PTPRO: variants seen among roughly 807,000 people sequenced by gnomAD.
PTPRO encodes receptor-type tyrosine-protein phosphatase O.
A neutral mutation model predicts 145.2 loss-of-function variants in PTPRO; 62 were observed. The observed-to-expected ratio is 0.43, with a 90% confidence interval of 0.35 to 0.53. The LOEUF (loss-of-function observed/expected upper bound fraction) is 0.53. Among genes scored for constraint, PTPRO ranks in the 20% least tolerant of loss-of-function variants. The pLI is 0.01. For missense variants in PTPRO, 1,345 were observed against 1,482.7 expected (o/e 0.91, Z 1.53); for synonymous variants, 565 against 514.7 (o/e 1.10, Z -1.32).
chr12:15,397,168 T>G (rs1939363956), intron 1 of PTPRO, among the ~76,000 whole-genome samples: 1 of 152,222 alleles, frequency 6.6e-6, no homozygotes, highest in African/African-American at 2.4e-5. Flanking sequence ...TACATTTATT[T>G]CTAATTATAT....
chr12:15,587,198 C>A (rs2135665481), intron 24 of PTPRO, 147 bp downstream of exon 24: 2 of 868,072 alleles, frequency 2.3e-6, no homozygotes, highest in Non-Finnish European at 3.6e-6. Flanking sequence ...TGATGTCTCA[C>A]TATATACAAT....
chr12:15,478,962 G>C (rs1248260344), intron 1 of PTPRO, among the ~76,000 whole-genome samples: 1 of 152,010 alleles, frequency 6.6e-6, no homozygotes, highest in Non-Finnish European at 1.5e-5. Context: ...TGAGCCACCA[G>C]GCCCGGCCAT....
At chr12:15,377,882 C>T (rs1343007466) in intron 1 of PTPRO, among the ~76,000 whole-genome samples, 1 of 152,042 alleles carries the variant, frequency 6.6e-6, no homozygotes. Flanking sequence ...AAAAAACACA[C>T]TTCTAAATAA....
intron 1 of PTPRO, among the ~76,000 whole-genome samples, chr12:15,404,849 A>G (rs912407937): frequency 1.3e-5 from 2 of 152,182 alleles, no homozygotes; most frequent in Non-Finnish European, 2.9e-5. Context: ...CAAAAATACC[A>G]TAGACTAAGT....
intron 1 of PTPRO, among the ~76,000 whole-genome samples, chr12:15,412,946 C>T (rs1254218117): frequency 6.6e-6 from 1 of 152,020 alleles, no homozygotes; most frequent in Admixed American, 6.6e-5. Flanking sequence ...GGCATGCACA[C>T]CATGCCCAGC....
At chr12:15,406,978 C>G (rs1475257079) in intron 1 of PTPRO, among the ~76,000 whole-genome samples, 1 of 152,122 alleles carries the variant, frequency 6.6e-6, no homozygotes, top group Non-Finnish European at 1.5e-5. Context: ...AAAATAGGAG[C>G]TAAAACAAAG....
At chr12:15,439,928 C>G in intron 1 of PTPRO, 3 of 673,916 alleles carry the variant, frequency 4.5e-6, no homozygotes, top group Non-Finnish European at 8.1e-6. Flanking sequence ...CTACAATGGC[C>G]ACATCGGTCT....
intron 12 of PTPRO, among the ~76,000 whole-genome samples, chr12:15,534,164 G>T (rs1943021380): frequency 1.3e-5 from 2 of 152,100 alleles, no homozygotes; most frequent in South Asian, 4.1e-4. Context: ...GGTATGTGGT[G>T]ACAGGTCCCT....
At chr12:15,470,244 T>C (rs899520596) in intron 1 of PTPRO, among the ~76,000 whole-genome samples, 2 of 152,176 alleles carry the variant, frequency 1.3e-5, no homozygotes. Flanking sequence ...TGTAGTACAA[T>C]AGAGTCACAA....
chr12:15,539,573 G>A (rs1943136544), intron 12 of PTPRO, among the ~76,000 whole-genome samples: 2 of 151,634 alleles, frequency 1.3e-5, no homozygotes, highest in South Asian at 2.1e-4. Context: ...ACCAGCCTGC[G>A]CAACATGGTG....
intron 14 of PTPRO, among the ~76,000 whole-genome samples, chr12:15,550,792 G>A (rs1239055092): frequency 6.6e-6 from 1 of 152,066 alleles, no homozygotes; most frequent in African/African-American, 2.4e-5. Context: ...GAGTCCTCAG[G>A]CCCATTTTAA....
intron 5 of PTPRO, 52 bp downstream of exon 5, chr12:15,502,115 A>T: frequency 1.3e-6 from 2 of 1,519,636 alleles, no homozygotes; most frequent in Non-Finnish European, 1.8e-6. Flanking sequence ...AGGAAGGGGA[A>T]TTGAAATGTT....
Position 15,410,716 on chromosome 12 carries a change from C to T in PTPRO, c.76-73258C>T, listed in dbSNP as rs1317192078. The T allele has an allele frequency of 5.3e-5, 8 of 152,156 alleles. 1 individual carries two copies. Among genetic ancestry groups the T allele is most frequent in the Non-Finnish European group, 8.8e-5 (6 of 68,030 alleles). The allele number at this position is 152,156 out of a possible 1,614,324, so 9.4% of individuals were successfully genotyped here. On this transcript the variant is annotated intron_variant, in intron 1 of 26. Coordinates refer to ENST00000281171, the MANE Select transcript of PTPRO (RefSeq NM_030667.3). Reference sequence around the variant, plus strand: ...AATGTAAGCATTGTGACAGAGAATGCTTTAGTCAGTCTCAAATCCTAAATT... The same window carrying T: ...AATGTAAGCATTGTGACAGAGAATGTTTTAGTCAGTCTCAAATCCTAAATT...
intron 18 of PTPRO, among the ~76,000 whole-genome samples, chr12:15,567,091 G>T (rs1467673835): frequency 1.3e-5 from 2 of 152,100 alleles, no homozygotes; most frequent in South Asian, 2.1e-4. Context: ...AGAAAAGAAG[G>T]AGAAGCAAGA....
intron 25 of PTPRO, among the ~76,000 whole-genome samples, chr12:15,592,898 T>C (rs1218176766): frequency 6.6e-6 from 1 of 152,254 alleles, no homozygotes; most frequent in Non-Finnish European, 1.5e-5. Flanking sequence ...GGGGCTTTGC[T>C]TTGAGCAGCC....
intron 1 of PTPRO, among the ~76,000 whole-genome samples, chr12:15,333,031 C>A (rs2136202905): frequency 6.6e-6 from 1 of 152,268 alleles, no homozygotes; most frequent in South Asian, 2.1e-4. Context: ...TGCCTATTGC[C>A]ATTTTTTTCT....
At chr12:15,451,832 G>T (rs544466209) in intron 1 of PTPRO, among the ~76,000 whole-genome samples, 10 of 152,254 alleles carry the variant, frequency 6.6e-5, no homozygotes, top group African/African-American at 2.4e-4. Flanking sequence ...AACCTCTGGG[G>T]TACAGCAAAG....
intron 15 of PTPRO, among the ~76,000 whole-genome samples, chr12:15,556,533 GT>G (rs920965138): frequency 1.3e-5 from 2 of 151,714 alleles, no homozygotes; most frequent in Non-Finnish European, 2.9e-5. Context: ...CTTCAACAGT[GT>G]TTTTACTAGC....
chr12:15,444,518 G>A (rs944750604), intron 1 of PTPRO, among the ~76,000 whole-genome samples: 7 of 152,044 alleles, frequency 4.6e-5, no homozygotes, highest in Middle Eastern at 6.8e-3. Context: ...AAGTTTTAAA[G>A]GCAAATCCTC....
Sources: allele counts gnomAD v4.1 joint callset (sites outside exome capture counted in the v4.1 genomes callset), GRCh38; gene constraint gnomAD v4.1.1; transcripts MANE v1.5; gene names NCBI Gene and HGNC (gene_info 2026-07-23, HGNC 2026-07-21).